Variants in RYR3 observed in about 807,000 individuals in gnomAD.
RYR3 encodes ryanodine receptor 3.
RYR3 carries 207 observed loss-of-function variants against 584.3 expected under a neutral mutation model. The observed-to-expected ratio is 0.35, with a 90% CI of 0.32 to 0.40. The LOEUF is 0.40. RYR3 is among the 10% of genes least tolerant of loss of function. RYR3 has a pLI of 1.00. For missense variants in RYR3, 5,616 were observed against 6,089.2 expected (o/e 0.92, Z 2.59); for synonymous variants, 2,416 against 2,248.5 (o/e 1.07, Z -2.11).
At chr15:33,765,716 T>G (rs1407059482) in intron 60 of RYR3, among the ~76,000 whole-genome samples, 1 of 151,490 alleles carries the variant, frequency 6.6e-6, no homozygotes, top group East Asian at 1.9e-4. Context: ...GTGTACATTA[T>G]AGGGCCCAGC....
chr15:33,409,407 C>G (rs1411340065), intron 1 of RYR3, among the ~76,000 whole-genome samples: 2 of 152,000 alleles, frequency 1.3e-5, no homozygotes, highest in East Asian at 3.9e-4. Context: ...AGATTCCGCT[C>G]TCTCTGCAGC....
In RYR3 at chr15:33,669,354, A is replaced by T. The variant is rs568206904; in HGVS notation, c.5620A>T (p.Ile1874Phe). The change falls in exon 37 of 104, where the codon ATC (isoleucine) becomes TTC (phenylalanine). Residue 1874 changes from isoleucine to phenylalanine, a missense_variant and splice_region_variant. By Grantham distance (21) the Ile-to-Phe change is conservative. Coordinates refer to ENST00000634891, the MANE Select transcript of RYR3 (RefSeq NM_001036.6). ...KEFRSPPQEQ[I>F]NMLLNFQLGE... ...GCTATTCTTCTCTTGCCTCTCAAAGATCAACATGCTGCTTAACTTTCAACT... is the reference window on the plus strand; with the variant it reads ...GCTATTCTTCTCTTGCCTCTCAAAGTTCAACATGCTGCTTAACTTTCAACT... The T allele has an allele frequency of 6.2e-7, 1 of 1,613,832 alleles. No homozygotes were observed. The highest frequency in any genetic ancestry group is 1.1e-5 in the South Asian group (1 of 91,082).
At chr15:33,586,528 G>A (rs2152524703) in intron 16 of RYR3, among the ~76,000 whole-genome samples, 1 of 152,300 alleles carries the variant, frequency 6.6e-6, no homozygotes, top group South Asian at 2.1e-4. Context: ...GAAAGTCTTA[G>A]CAACATGGTT....
At chr15:33,566,605 C>T in intron 11 of RYR3, 73 bp from the exon 12 acceptor site, 2 of 1,506,394 alleles carry the variant, frequency 1.3e-6, no homozygotes. Flanking sequence ...GAGGGCAATA[C>T]TGCGGGAAAT....
At chr15:33,575,686 A>G (rs2058263196) in intron 12 of RYR3, among the ~76,000 whole-genome samples, 1 of 152,128 alleles carries the variant, frequency 6.6e-6, no homozygotes, top group Non-Finnish European at 1.5e-5. Flanking sequence ...TTGACATCCT[A>G]ACATCACAAC....
At chr15:33,387,784 T>A (rs2041720213) in intron 1 of RYR3, among the ~76,000 whole-genome samples, 1 of 151,752 alleles carries the variant, frequency 6.6e-6, no homozygotes, top group Non-Finnish European at 1.5e-5. Context: ...GAACAAAACG[T>A]TTAATGTATA....
At chr15:33,356,135 G>A (rs1019586529) in intron 1 of RYR3, among the ~76,000 whole-genome samples, 1 of 152,118 alleles carries the variant, frequency 6.6e-6, no homozygotes, top group Non-Finnish European at 1.5e-5. Context: ...TGAAGGAGCA[G>A]CATGGTTATT....
intron 2 of RYR3, among the ~76,000 whole-genome samples, chr15:33,475,038 G>A (rs2142250424): frequency 6.6e-6 from 1 of 152,228 alleles, no homozygotes; most frequent in South Asian, 2.1e-4. Flanking sequence ...TTCTTAGCTA[G>A]GTTTTTTTGT....
In RYR3 at chr15:33,838,749, G is replaced by T; in HGVS notation, c.12769G>T (p.Glu4257Ter). 6.2e-7 allele frequency: 1 copy of T among 1,613,930 alleles called. No homozygotes were observed. The highest frequency in any genetic ancestry group is 8.5e-7 in the Non-Finnish European group (1 of 1,179,856). The change falls in exon 89 of 104, where the codon GAG (glutamate) becomes TAG (stop). Residue 4257 changes from glutamate to a stop codon, truncating the protein, a stop_gained. Transcript: ENST00000634891. LOFTEE classifies it high-confidence loss of function. ...GGAGGCTGAGAGGGCAGAGGTGATG[G>T]AGCCAGGTATCACCACTGAACTAGT... The part of the protein sequence containing the change: ...TMEAERAEVM[E>*]PGITTELVHF...
intron 98 of RYR3, among the ~76,000 whole-genome samples, chr15:33,855,210 T>TTTTG (rs1280080052): frequency 1.3e-5 from 2 of 152,244 alleles, no homozygotes; most frequent in Middle Eastern, 3.4e-3. Context: ...AGATCTTTTT[T>TTTTG]TTTTTGTGAC....
chr15:33,445,216 T>C (rs1405446928), intron 1 of RYR3, among the ~76,000 whole-genome samples: 1 of 152,160 alleles, frequency 6.6e-6, no homozygotes, highest in East Asian at 1.9e-4. Flanking sequence ...GCTAGAGACT[T>C]AGCAGTGAGG....
intron 1 of RYR3, among the ~76,000 whole-genome samples, chr15:33,345,429 C>G (rs1477674437): frequency 6.6e-6 from 1 of 152,156 alleles, no homozygotes; most frequent in African/African-American, 2.4e-5. Context: ...CTCACTGCAG[C>G]CTTGACCTCC....
intron 43 of RYR3, among the ~76,000 whole-genome samples, chr15:33,716,175 T>C (rs1596294745): frequency 6.6e-6 from 1 of 152,194 alleles, no homozygotes; most frequent in Non-Finnish European, 1.5e-5. Context: ...AAGCAGTTGC[T>C]GGCACCGTTT....
At position 33,473,235 on chromosome 15, in the gene RYR3, G is replaced by A. The variant is rs558598603; in HGVS notation, c.52-184G>A. On this transcript the variant is annotated intron_variant, in intron 1 of 103. Transcript: ENST00000634891. Reference sequence around the variant, plus strand: ...AGGATTAAGTAGAGTTCTGACTCACGGTAGATGCTCCGTGATGTCCTGTGA... The same window carrying A: ...AGGATTAAGTAGAGTTCTGACTCACAGTAGATGCTCCGTGATGTCCTGTGA... The A allele has an allele frequency of 4.9e-4, 371 of 764,216 alleles. 1 individual carries two copies. The South Asian group carries it at 4.9e-3, about 10-fold the overall frequency. 47.3% of individuals were successfully genotyped at this position (764,216 alleles called of 1,614,324 possible). A position where few individuals can be genotyped will look rare whatever the true frequency, so the allele number is the denominator to read the frequency against.
At chr15:33,360,428 A>G (rs1291091671) in intron 1 of RYR3, among the ~76,000 whole-genome samples, 1 of 152,180 alleles carries the variant, frequency 6.6e-6, no homozygotes, top group African/African-American at 2.4e-5. Flanking sequence ...TTTGAGATTG[A>G]TCTATGTTAC....
At chr15:33,605,030 T>C (rs1353012101) in intron 18 of RYR3, among the ~76,000 whole-genome samples, 1 of 152,164 alleles carries the variant, frequency 6.6e-6, no homozygotes, top group Non-Finnish European at 1.5e-5. Flanking sequence ...CAGCTACACC[T>C]GAGAGGGCTC....
chr15:33,391,363 C>G (rs1021915330), intron 1 of RYR3, among the ~76,000 whole-genome samples: 2 of 152,120 alleles, frequency 1.3e-5, no homozygotes, highest in African/African-American at 4.8e-5. Context: ...TGCGGTGGCT[C>G]ACACCTGTAA....
intron 57 of RYR3, 84 bp downstream of exon 57, chr15:33,750,370 G>A (rs1313461573): frequency 1.5e-5 from 20 of 1,376,518 alleles, no homozygotes; most frequent in Admixed American, 2.2e-5. Context: ...ACCCATCCAA[G>A]TAAGGAGAAC....
intron 72 of RYR3, among the ~76,000 whole-genome samples, chr15:33,811,703 G>A (rs1165492386): frequency 1.3e-5 from 2 of 152,032 alleles, no homozygotes; most frequent in African/African-American, 4.8e-5. Flanking sequence ...GTGTAGCTTA[G>A]GTGTCAGAAT....
Sources: allele counts gnomAD v4.1 joint callset (sites outside exome capture counted in the v4.1 genomes callset), GRCh38; gene constraint gnomAD v4.1.1; transcripts MANE v1.5; gene names NCBI Gene and HGNC (gene_info 2026-07-23, HGNC 2026-07-21).